The following ACOXL variants were observed in gnomAD, a reference collection of about 807,000 sequenced individuals.
ACOXL encodes acyl-CoA oxidase like.
In ACOXL, 70 loss-of-function variants were observed where a neutral mutation model predicts 71.9. The ratio of observed to expected loss-of-function variants is 0.97; its 90% CI spans 0.80 to 1.19. The LOEUF is 1.19. ACOXL is among the 50% of genes most tolerant of loss of function. The probability of loss-of-function intolerance (pLI) is 0.00; values close to 1 mark genes in which losing one functional copy is unlikely to be tolerated. For missense variants in ACOXL, 703 were observed against 736.3 expected, an observed-to-expected ratio of 0.95 and a Z score of 0.52; for synonymous variants, 253 against 281.6, an observed-to-expected ratio of 0.90 and a Z score of 1.02.
chr2:110,837,890 A>C (rs1262315420), intron 9 of ACOXL, among the ~76,000 whole-genome samples: 1 of 152,214 alleles, frequency 6.6e-6, no homozygotes, highest in Admixed American at 6.5e-5. Context: ...GCAGCACAAA[A>C]TCCCTCTGAC....
At chr2:110,910,065 C>T (rs1451590274) in intron 11 of ACOXL, among the ~76,000 whole-genome samples, 1 of 152,118 alleles carries the variant, frequency 6.6e-6, no homozygotes, top group Admixed American at 6.5e-5. Context: ...ATACTCTTCT[C>T]GTGTAATAAA....
intron 15 of ACOXL, among the ~76,000 whole-genome samples, chr2:111,042,917 T>TG (rs994263875): frequency 1.3e-5 from 2 of 152,068 alleles, no homozygotes; most frequent in Non-Finnish European, 2.9e-5. Context: ...GTCGTGGCAG[T>TG]GGGGGTCGAA....
At chr2:110,768,522 G>C in intron 2 of ACOXL, 58 bp downstream of exon 2, 2 of 1,476,776 alleles carry the variant, frequency 1.4e-6, no homozygotes, top group African/African-American at 1.4e-5. Context: ...GTGAGAGAGA[G>C]AGAGAGAGAG....
At chr2:110,766,468 A>T (rs1267816302) in intron 1 of ACOXL, among the ~76,000 whole-genome samples, 1 of 151,944 alleles carries the variant, frequency 6.6e-6, no homozygotes, top group Non-Finnish European at 1.5e-5. Context: ...TCAGATGGGG[A>T]TGTGAGATCA....
At chr2:110,917,503 A>C (rs1213462848) in intron 11 of ACOXL, among the ~76,000 whole-genome samples, 1 of 152,048 alleles carries the variant, frequency 6.6e-6, no homozygotes, top group African/African-American at 2.4e-5. Flanking sequence ...CAAGACAAGG[A>C]TGCCCTCTCT....
chr2:110,762,730 A>G (rs1680563277), intron 1 of ACOXL, among the ~76,000 whole-genome samples: 1 of 151,924 alleles, frequency 6.6e-6, no homozygotes, highest in African/African-American at 2.4e-5. Context: ...ATCTCGCCTC[A>G]CTGCAACCTT....
At chr2:110,809,236 C>T (rs1321777709) in intron 9 of ACOXL, among the ~76,000 whole-genome samples, 1 of 152,378 alleles carries the variant, frequency 6.6e-6, no homozygotes, top group African/African-American at 2.4e-5. Flanking sequence ...TTCATGTGTA[C>T]ACACTCGTGC....
intron 12 of ACOXL, among the ~76,000 whole-genome samples, chr2:110,980,872 C>T (rs965056304): frequency 6.6e-6 from 1 of 152,214 alleles, no homozygotes; most frequent in Non-Finnish European, 1.5e-5. Flanking sequence ...GAATTTATGT[C>T]AAGTGTGAGT....
chr2:111,043,374 C>T (rs1175271167), intron 15 of ACOXL, among the ~76,000 whole-genome samples: 1 of 152,214 alleles, frequency 6.6e-6, no homozygotes, highest in African/African-American at 2.4e-5. Context: ...AAAACGAAGC[C>T]TTTTTGTTTC....
chr2:110,851,608 C>G (rs1485695093), intron 10 of ACOXL, among the ~76,000 whole-genome samples: 1 of 152,198 alleles, frequency 6.6e-6, no homozygotes, highest in African/African-American at 2.4e-5. Context: ...TTCAGTGAGG[C>G]CCTCGTGGTG....
chr2:110,967,071 G>C (rs1234351448), intron 12 of ACOXL, among the ~76,000 whole-genome samples: 1 of 152,112 alleles, frequency 6.6e-6, no homozygotes, highest in East Asian at 1.9e-4. Context: ...ATACCAAGAA[G>C]AATCCAATGT....
chr2:111,104,373 CG>C (rs766199389), intron 17 of ACOXL, among the ~76,000 whole-genome samples: 10 of 152,136 alleles, frequency 6.6e-5, no homozygotes, highest in Non-Finnish European at 1.3e-4. Context: ...ATTGCTGGGT[CG>C]CACGGTAGGT....
intron 12 of ACOXL, among the ~76,000 whole-genome samples, chr2:110,934,844 G>A (rs1003915479): frequency 2.0e-5 from 3 of 152,312 alleles, no homozygotes; most frequent in African/African-American, 4.8e-5. Context: ...TGGGGTTGTT[G>A]TGTGGGGTCC....
intron 1 of ACOXL, among the ~76,000 whole-genome samples, chr2:110,738,698 T>C (rs760633418): frequency 1.3e-5 from 2 of 152,218 alleles, no homozygotes; most frequent in South Asian, 2.1e-4. Flanking sequence ...TTTTAGTGCA[T>C]TGGGCATGCA....
At chr2:110,889,314 T>C (rs77871580) in intron 10 of ACOXL, among the ~76,000 whole-genome samples, 2 of 72,126 alleles carry the variant, frequency 2.8e-5, no homozygotes, top group African/African-American at 3.9e-5. Flanking sequence ...CCCCAACTAA[T>C]TTTTTTTAAA....
At chr2:111,025,175 A>C (rs2149722568) in intron 14 of ACOXL, among the ~76,000 whole-genome samples, 1 of 152,170 alleles carries the variant, frequency 6.6e-6, no homozygotes, top group Non-Finnish European at 1.5e-5. Context: ...GTTCCTCTTT[A>C]TTGTGAAGTG....
At position 110,847,269 on chromosome 2, in the gene ACOXL, G is replaced by C. The variant is rs752517212; in HGVS notation, c.788+5864G>C. Among the ~76,000 whole-genome samples, 33 of 152,146 alleles carry C rather than the reference G, an allele frequency of 2.2e-4. 1 individual carries two copies. The highest frequency in any genetic ancestry group is 3.2e-4 in the Non-Finnish European group (22 of 68,048). The stretch of plus-strand genomic sequence containing the variant: ...GCAGTGCAGCAGAGTGAAGAAGGCT[G>C]CTCCCTCCTGGTGAGTGCCCCTGGG... On this transcript the variant is annotated intron_variant, in intron 10 of 17. Transcript: ENST00000439055.
At chr2:111,024,173 G>A (rs1461984493) in intron 14 of ACOXL, among the ~76,000 whole-genome samples, 1 of 152,056 alleles carries the variant, frequency 6.6e-6, no homozygotes, top group Non-Finnish European at 1.5e-5. Context: ...GAAGGGCCAG[G>A]GCTCTTACTC....
chr2:110,923,821 A>T (rs2060170165), intron 11 of ACOXL, among the ~76,000 whole-genome samples: 1 of 152,098 alleles, frequency 6.6e-6, no homozygotes, highest in Non-Finnish European at 1.5e-5. Context: ...CTGTAATCCC[A>T]GCTACTCGGG....
Sources: allele counts gnomAD v4.1 joint callset (sites outside exome capture counted in the v4.1 genomes callset), GRCh38; gene constraint gnomAD v4.1.1; transcripts MANE v1.5; gene names NCBI Gene and HGNC (gene_info 2026-07-23, HGNC 2026-07-21).